TAPBPL: variants seen among roughly 807,000 people sequenced by gnomAD.
TAPBPL encodes the protein tapasin-related protein.
Under a neutral mutation model 44.8 loss-of-function variants are expected in TAPBPL, and 32 were observed. The observed-to-expected ratio is 0.71, with a 90% CI of 0.54 to 0.96. The LOEUF (loss-of-function observed/expected upper bound fraction) is 0.96, where lower values mean the gene tolerates loss of function less well. TAPBPL is among the 40% of genes least tolerant of loss of function. The pLI is 0.00. For synonymous variants in TAPBPL, 230 were observed against 240.7 expected (o/e 0.96, Z 0.41); for missense variants, 520 against 586.6 (o/e 0.89, Z 1.17).
chr12:6,471,550 G>A, the TAPBPL span, among the ~76,000 whole-genome samples: 1 of 152,106 alleles, frequency 6.6e-6, no homozygotes, highest in Non-Finnish European at 1.5e-5. This position sits in a 1 kb window ranked among gnomAD's most constrained non-coding sequence, Gnocchi z 4.0. Context: ...TTACAAGGCC[G>A]GGCGCAGTGG....
At chr12:6,470,513 C>A (rs367734911), downstream of TAPBPL, 2 of 1,614,028 alleles carry the variant, frequency 1.2e-6, no homozygotes, top group Non-Finnish European at 1.7e-6. Flanking sequence ...CGAGCCCCCA[C>A]ACCAGAGTCA....
In TAPBPL at chr12:6,452,099, A is replaced by C; in HGVS notation, c.-150A>C. The C allele has an allele frequency of 1.1e-6, 1 of 917,204 alleles. No individual in the cohort carries two copies. The highest frequency in any genetic ancestry group is 1.7e-6 in the Non-Finnish European group (1 of 592,730). The allele number at this position is 917,204 out of a possible 1,614,324, so 56.8% of individuals were successfully genotyped here. On this transcript the variant is annotated 5_prime_UTR_variant, in exon 1 of 7. Coordinates refer to ENST00000266556, the MANE Select transcript of TAPBPL (RefSeq NM_018009.5). ...CTTGCTCTAAGTGAAAGTGAAAGAA[A>C]AGTCGGCAGCAGAGGGAACAGGGAA...
chr12:6,457,696 A>G lies in TAPBPL; in HGVS notation c.856A>G (p.Thr286Ala). ...CGAGGGGACCTACATTTGCCAGATC[A>G]CCACCTCTCTGTACCGAGCTCAGCA... ...QDEGTYICQITTSLYRAQQII... is the reference protein window; with the variant it reads ...QDEGTYICQIATSLYRAQQII... Residue 286 changes from threonine (T) to alanine (A), a missense_variant, in exon 4 of 7, where the codon ACC (threonine) becomes GCC (alanine). Thr to Ala is a moderately conservative substitution (Grantham distance 58). Coordinates refer to ENST00000266556, the MANE Select transcript of TAPBPL (RefSeq NM_018009.5). The G allele has an allele frequency of 3.1e-6, 5 of 1,611,622 alleles. No individual in the cohort carries two copies. The highest frequency in any genetic ancestry group is 4.2e-6 in the Non-Finnish European group (5 of 1,178,320).
Position 6,453,455 on chromosome 12 carries a change from G to A in TAPBPL, c.304G>A (p.Val102Ile), listed in dbSNP as rs370819999. 5.4e-5 allele frequency: 87 copies of A among 1,613,950 alleles called. No individual in the cohort carries two copies. The highest frequency in any genetic ancestry group is 6.7e-5 in the Admixed American group (4 of 59,996). The change falls in exon 3 of 7, where the codon GTC (valine) becomes ATC (isoleucine). Residue 102 changes from valine (V) to isoleucine (I), a missense_variant. Coordinates refer to ENST00000266556, the MANE Select transcript of TAPBPL (RefSeq NM_018009.5). The surrounding 1 kb of genome is among the most constrained non-coding windows in gnomAD (Gnocchi z 4.8). ...GCCCTGCTTCTCCCCAGTGGACCTG[G>A]TCCAGATTCCCCAGGCCGAGGCCTT... ...PIIFEASVDL[V>I]QIPQAEALLH...
intron 6 of TAPBPL, chr12:6,461,357 A>G: frequency 2.0e-6 from 2 of 1,022,374 alleles, no homozygotes; most frequent in Non-Finnish European, 2.4e-6. Context: ...AAGAAGGCAG[A>G]ATGTCCAGAT....
downstream of TAPBPL, chr12:6,464,087 G>A (rs777278836): frequency 8.3e-5 from 108 of 1,306,636 alleles, no homozygotes; most frequent in Non-Finnish European, 1.9e-5. Flanking sequence ...TTTTCTAGAA[G>A]TCACCATGGG....
rs370580454 is a variant in TAPBPL at position 6,453,814 on chromosome 12, T to G, written c.565+98T>G. 1.4e-5 allele frequency: 20 copies of G among 1,404,904 alleles called. No homozygotes were observed. The African/African-American group carries it at 2.3e-4, about 16-fold the overall frequency. The allele number at this position is 1,404,904 out of a possible 1,614,324, so 87.0% of individuals were successfully genotyped here. A position where few individuals can be genotyped will look rare whatever the true frequency, so the allele number is the denominator to read the frequency against. ...CGGTGGATCACCTGAGGTCAGGAGT[T>G]TGAGATCAGCCTGGTCAACACGGTG... On this transcript the variant is annotated intron_variant, in intron 3 of 6. Coordinates refer to ENST00000266556, the MANE Select transcript of TAPBPL (RefSeq NM_018009.5). This position sits in a 1 kb window ranked among gnomAD's most constrained non-coding sequence, Gnocchi z 4.8.
intron 1 of TAPBPL, chr12:6,452,718 T>A: frequency 1.4e-6 from 1 of 735,066 alleles, no homozygotes; most frequent in Non-Finnish European, 2.0e-6. Context: ...CCAGCAACAG[T>A]AACTGTCCAG....
downstream of TAPBPL, among the ~76,000 whole-genome samples, chr12:6,469,841 A>T (rs531153821): frequency 6.6e-6 from 1 of 152,330 alleles, no homozygotes; most frequent in Non-Finnish European, 1.5e-5. Context: ...GGGAAAGCTC[A>T]GCTCTCCCTA....
At chr12:6,452,806 T>C (rs1949590538) in intron 1 of TAPBPL, among the ~76,000 whole-genome samples, 1 of 152,202 alleles carries the variant, frequency 6.6e-6, no homozygotes, top group African/African-American at 2.4e-5. Context: ...ATTCAACAGT[T>C]GGAAATGCAA....
chr12:6,457,894 A>G, intron 4 of TAPBPL, 150 bp downstream of exon 4: 1 of 870,902 alleles, frequency 1.1e-6, no homozygotes, highest in Non-Finnish European at 1.7e-6. Flanking sequence ...GGAAGCACAG[A>G]TGGCATCAGA....
intron 5 of TAPBPL, 63 bp from the exon 6 acceptor site, chr12:6,460,792 G>T (rs1411966081): frequency 1.3e-6 from 2 of 1,551,032 alleles, no homozygotes; most frequent in East Asian, 2.2e-5. Context: ...GACACTGCAG[G>T]TGAGGGCTCA....
downstream of TAPBPL, chr12:6,464,190 C>A: frequency 6.8e-7 from 1 of 1,469,100 alleles, no homozygotes; most frequent in Non-Finnish European, 9.1e-7. Flanking sequence ...GCCTCCAACT[C>A]TTTGGGGCTT....
Position 6,453,644 on chromosome 12 carries a change from A to T in TAPBPL, c.493A>T (p.Thr165Ser), listed in dbSNP as rs2532500. The T allele has an allele frequency of 6.2e-7, 1 of 1,613,306 alleles. No homozygotes were observed. Among genetic ancestry groups the T allele is most frequent in the South Asian group, 1.1e-5 (1 of 91,060 alleles). Residue 165 changes from threonine (T) to serine (S), a missense_variant, in exon 3 of 7, where the codon ACC becomes TCC. Thr to Ser is a moderately conservative substitution (Grantham distance 58). Coordinates refer to ENST00000266556, the MANE Select transcript of TAPBPL (RefSeq NM_018009.5). This position sits in a 1 kb window ranked among gnomAD's most constrained non-coding sequence, Gnocchi z 4.8. ...ISLVMKTPRVTKNEALWHPTL... is the reference protein window; with the variant it reads ...ISLVMKTPRVSKNEALWHPTL... ...CTTGGTGATGAAGACTCCCAGGGTCACCAAGAATGAGGCGCTCTGGCACCC... is the reference window on the plus strand; with the variant it reads ...CTTGGTGATGAAGACTCCCAGGGTCTCCAAGAATGAGGCGCTCTGGCACCC...
In TAPBPL at chr12:6,457,392, T is replaced by C; in HGVS notation, c.566-14T>C. The C allele has an allele frequency of 6.2e-7, 1 of 1,606,008 alleles. No homozygotes were observed. The highest frequency in any genetic ancestry group is 1.1e-5 in the South Asian group (1 of 90,588). On this transcript the variant is annotated splice_polypyrimidine_tract_variant and intron_variant, in intron 3 of 6. Transcript: ENST00000266556. ...GAAGTAGCCCACAAATCACCCCTCT[T>C]TTCCTCTTCACAGTGGAGTTCCAGG...
At chr12:6,466,122 C>A, downstream of TAPBPL, 1 of 1,611,314 alleles carries the variant, frequency 6.2e-7, no homozygotes, top group South Asian at 1.1e-5. Context: ...CTCTCAGGGC[C>A]TTTGACTATT....
chr12:6,471,475 T>C (rs1331908221), downstream of TAPBPL, among the ~76,000 whole-genome samples: 3 of 152,144 alleles, frequency 2.0e-5, no homozygotes, highest in Non-Finnish European at 4.4e-5. The surrounding 1 kb of genome is among the most constrained non-coding windows in gnomAD (Gnocchi z 4.0). Context: ...CTCACTATTA[T>C]CCCTTTCCTG....
chr12:6,470,640 G>C (rs115547049), downstream of TAPBPL: 594 of 1,463,020 alleles, frequency 4.1e-4, 2 homozygotes, highest in African/African-American at 7.4e-3. Flanking sequence ...TCCGCCTCGC[G>C]CCGACTACCC....
At position 6,457,679 on chromosome 12, in the gene TAPBPL, C is replaced by T. The variant is rs1330625705; in HGVS notation, c.839C>T (p.Thr280Ile). 4 of 1,612,866 alleles carry T rather than the reference C, an allele frequency of 2.5e-6. No homozygotes were observed. The highest frequency in any genetic ancestry group is 2.2e-5 in the South Asian group (2 of 91,038). ...GGCCTCACTATACAGGACGAGGGGA[C>T]CTACATTTGCCAGATCACCACCTCT... Reference protein sequence around the residue: ...LPGLTIQDEGTYICQITTSLY... With the variant: ...LPGLTIQDEGIYICQITTSLY... Residue 280 changes from threonine (T) to isoleucine (I), a missense_variant, in exon 4 of 7, where the codon ACC becomes ATC. Thr to Ile is a moderately conservative substitution (Grantham distance 89). Coordinates refer to ENST00000266556, the MANE Select transcript of TAPBPL (RefSeq NM_018009.5).
Sources: gnomAD v4.1 joint callset for allele counts (sites outside exome capture counted in the v4.1 genomes callset) on GRCh38, gnomAD v4.1.1 for gene constraint, Gnocchi (gnomAD v3.1) non-coding constraint, MANE v1.5 for transcripts, NCBI Gene and HGNC (gene_info 2026-07-23, HGNC 2026-07-21) for gene names.